Variants in PCDHA12 observed in about 807,000 individuals in gnomAD.
PCDHA12 encodes the protein protocadherin alpha-12.
In PCDHA12, 44 loss-of-function variants were observed where a neutral mutation model predicts 60.0. The observed-to-expected ratio is 0.73, with a 90% confidence interval of 0.58 to 0.94. The LOEUF (loss-of-function observed/expected upper bound fraction) is 0.94. PCDHA12 is among the 40% of genes least tolerant of loss of function. The probability of loss-of-function intolerance (pLI) is 0.00; values close to 1 mark genes in which losing one functional copy is unlikely to be tolerated. For synonymous variants in PCDHA12, 569 were observed against 553.0 expected, an observed-to-expected ratio of 1.03 and a Z score of -0.40; for missense variants, 1,276 against 1,239.7, an observed-to-expected ratio of 1.03 and a Z score of -0.44.
At chr5:140,996,832 T>G (rs1338616787) in intron 3 of PCDHA12, among the ~76,000 whole-genome samples, 1 of 152,212 alleles carries the variant, frequency 6.6e-6, no homozygotes, top group African/African-American at 2.4e-5. Flanking sequence ...TACCAATAAT[T>G]TAGCGTGCAT....
rs1440009442 is a variant in PCDHA12, at chr5:140,964,448, A to G, written c.2368-14501A>G. Among the ~76,000 whole-genome samples the G allele has an allele frequency of 3.3e-5, 5 of 152,212 alleles. No homozygotes were observed. The South Asian group carries it at 8.3e-4, about 25-fold the overall frequency. On this transcript the variant is annotated intron_variant, in intron 1 of 3. Transcript: ENST00000398631. ...AAAATTACCAAGCCTCTGCCACTGT[A>G]ATCTCTTCCTTAAGTGCCTATGATT...
In PCDHA12 at chr5:140,897,362, T is replaced by C. The variant is rs1395353589; in HGVS notation, c.2367+19523T>C. Among the ~76,000 whole-genome samples the C allele has an allele frequency of 2.5e-5, 3 of 120,464 alleles. No homozygotes were observed. The East Asian group carries it at 7.6e-4, about 30-fold the overall frequency. 79.0% of individuals were successfully genotyped at this position (120,464 alleles called of 152,430 possible). ...CCCCACCCCACAACTGTCCCCAGAG[T>C]GTGATGTTCCCTTCCCCTTCCTGTG... On this transcript the variant is annotated intron_variant, in intron 1 of 3. Coordinates refer to ENST00000398631, the MANE Select transcript of PCDHA12 (RefSeq NM_018903.4).
intron 2 of PCDHA12, 71 bp downstream of exon 2, chr5:140,979,078 A>C (rs2240296): frequency 3.8e-6 from 6 of 1,583,342 alleles, no homozygotes; most frequent in South Asian, 1.1e-5. Flanking sequence ...CTGCATCTCC[A>C]TAGGCCAGAA....
At chr5:140,976,971 C>A (rs2096740170) in intron 1 of PCDHA12, among the ~76,000 whole-genome samples, 1 of 152,138 alleles carries the variant, frequency 6.6e-6, no homozygotes, top group Non-Finnish European at 1.5e-5. Flanking sequence ...TTTCCTTTTC[C>A]CTGCCTGATC....
chr5:141,003,511 C>T (rs2098128112), intron 3 of PCDHA12, among the ~76,000 whole-genome samples: 2 of 152,114 alleles, frequency 1.3e-5, no homozygotes, highest in African/African-American at 4.8e-5. Flanking sequence ...TGGGGTTTCA[C>T]CATGTTCCCT....
At chr5:140,989,839 AGT>A (rs1161936815) in intron 3 of PCDHA12, among the ~76,000 whole-genome samples, 2 of 152,166 alleles carry the variant, frequency 1.3e-5, no homozygotes, top group Non-Finnish European at 2.9e-5. Context: ...CCTGTCAATG[AGT>A]GTGTGGACTG....
intron 1 of PCDHA12, among the ~76,000 whole-genome samples, chr5:140,917,832 C>T (rs1554198323): frequency 1.3e-5 from 2 of 151,488 alleles, no homozygotes; most frequent in Admixed American, 6.6e-5. Context: ...AGTGTGATGT[C>T]CTTCTTGTTC....
intron 1 of PCDHA12, chr5:140,968,997 G>A (rs1459602291): frequency 6.2e-7 from 1 of 1,614,092 alleles, no homozygotes; most frequent in African/African-American, 1.3e-5. Flanking sequence ...TGCTGTGGAG[G>A]CTTCTGTGGA....
intron 1 of PCDHA12, among the ~76,000 whole-genome samples, chr5:140,917,561 C>T (rs1286710001): frequency 6.6e-6 from 1 of 152,214 alleles, no homozygotes; most frequent in Non-Finnish European, 1.5e-5. Flanking sequence ...ACTCTTTAAT[C>T]CATCTCAGGC....
chr5:140,993,446 TCTC>T (rs1262965335), intron 3 of PCDHA12, among the ~76,000 whole-genome samples: 4 of 146,376 alleles, frequency 2.7e-5, no homozygotes, highest in Non-Finnish European at 6.0e-5. Flanking sequence ...TCATTCCTGT[TCTC>T]CTTCTTTCTT....
rs1351463699 is a variant in PCDHA12, at chr5:140,875,985, G to C, written c.513G>C (p.Ala171=). Residue 171 remains alanine (A), a synonymous_variant, in exon 1 of 4, where the codon GCG becomes GCC. Coordinates refer to ENST00000398631, the MANE Select transcript of PCDHA12 (RefSeq NM_018903.4). ...DIGVNSLLTY[A]LSLNENFELK... is the part of the protein sequence containing the mutation. ...GCGTAAACTCTCTTTTGACCTATGC[G>C]TTAAGTCTAAATGAGAATTTTGAGC... is the stretch of plus-strand genomic sequence containing the variant. 29 of 1,613,832 alleles carry C rather than the reference G, an allele frequency of 1.8e-5. No homozygotes were observed. The highest frequency in any genetic ancestry group is 2.3e-5 in the Non-Finnish European group (27 of 1,179,910).
intron 1 of PCDHA12, among the ~76,000 whole-genome samples, chr5:140,949,264 G>A (rs139292588): frequency 4.5e-4 from 69 of 151,784 alleles, no homozygotes; most frequent in Admixed American, 2.4e-3. Flanking sequence ...AACATATCAC[G>A]TGCACTTGAA....
chr5:140,884,568 C>T (rs2060268107), intron 1 of PCDHA12: 2 of 1,614,210 alleles, frequency 1.2e-6, no homozygotes, highest in Non-Finnish European at 1.7e-6. Flanking sequence ...CCGCATAAGA[C>T]GGACCTCATG....
intron 1 of PCDHA12, among the ~76,000 whole-genome samples, chr5:140,940,147 GT>G (rs1459512201): frequency 6.6e-6 from 1 of 152,082 alleles, no homozygotes; most frequent in African/African-American, 2.4e-5. Flanking sequence ...AACTATTATA[GT>G]TTTTGTTTGC....
At chr5:140,990,772 C>T (rs1554251728) in intron 3 of PCDHA12, among the ~76,000 whole-genome samples, 1 of 152,164 alleles carries the variant, frequency 6.6e-6, no homozygotes, top group African/African-American at 2.4e-5. Context: ...AAATTTGGCT[C>T]TGTGTTGGAC....
chr5:140,993,523 CAG>C (rs111789518), intron 3 of PCDHA12, among the ~76,000 whole-genome samples: 1,510 of 145,458 alleles, frequency 0.01, 24 homozygotes, highest in African/African-American at 0.035. Flanking sequence ...GAGAGAGAGA[CAG>C]AGAGAGAGAG....
chr5:140,985,895 A>G (rs782549334), intron 3 of PCDHA12, among the ~76,000 whole-genome samples: 16 of 150,016 alleles, frequency 1.1e-4, no homozygotes, highest in Non-Finnish European at 1.5e-4. Flanking sequence ...GCCCGCCACC[A>G]CTCCCGTCTA....
In PCDHA12 at chr5:140,876,144, G is replaced by C. The variant is rs782301739; in HGVS notation, c.672G>C (p.Gly224=). Residue 224 remains glycine (G), a synonymous_variant, in exon 1 of 4, where the codon GGG becomes GGC. Coordinates refer to ENST00000398631, the MANE Select transcript of PCDHA12 (RefSeq NM_018903.4). ...VIDGGKPELT[G]SVQIQITVLD... The stretch of plus-strand genomic sequence containing the variant: ...ATGGCGGTAAACCAGAACTAACAGG[G>C]TCTGTCCAGATTCAAATAACCGTCC... The C allele has an allele frequency of 6.2e-7, 1 of 1,613,964 alleles. No homozygotes were observed. The highest frequency in any genetic ancestry group is 1.1e-5 in the South Asian group (1 of 91,092).
At chr5:140,889,347 T>A (rs531486529) in intron 1 of PCDHA12, among the ~76,000 whole-genome samples, 1 of 152,202 alleles carries the variant, frequency 6.6e-6, no homozygotes, top group South Asian at 2.1e-4. Context: ...GTGGGAATAT[T>A]TCTGATTACT....
Sources: allele counts gnomAD v4.1 joint callset (sites outside exome capture counted in the v4.1 genomes callset), GRCh38; gene constraint gnomAD v4.1.1; transcripts MANE v1.5; gene names NCBI Gene and HGNC (gene_info 2026-07-23, HGNC 2026-07-21).